Variants in PITPNC1 observed in about 807,000 individuals in gnomAD.
The protein encoded by PITPNC1 is phosphatidylinositol transfer protein cytoplasmic 1.
In PITPNC1, 18 loss-of-function variants were observed where a neutral mutation model predicts 44.7. The observed-to-expected ratio is 0.40, with a 90% CI of 0.28 to 0.60. The LOEUF is 0.60. PITPNC1 is among the 20% of genes least tolerant of loss of function. The pLI is 0.39. For missense variants in PITPNC1, 290 were observed against 418.4 expected (o/e 0.69, Z 2.68); for synonymous variants, 141 against 149.6 (o/e 0.94, Z 0.42).
In PITPNC1 at chr17:67,627,930, GT is replaced by G. The variant is rs113761965; in HGVS notation, c.367-4199del. Among the ~76,000 whole-genome samples, 925 of 137,594 alleles carry G rather than the reference GT, an allele frequency of 6.7e-3. 5 individuals are homozygous for G. Among genetic ancestry groups the G allele is most frequent in the African/African-American group, 0.021 (779 of 37,592 alleles). The allele number at this position is 137,594 out of a possible 152,430, so 90.3% of individuals were successfully genotyped here. A position where few individuals can be genotyped will look rare whatever the true frequency, so the allele number is the denominator to read the frequency against. The stretch of plus-strand genomic sequence containing the variant: ...TTTCTTTTTCTTCTTCTTCTTTTTT[GT>G]TTTTTTTTTTTTTGAGATGGCGTCT... On this transcript the variant is annotated intron_variant, in intron 5 of 8. Coordinates refer to ENST00000581322, the MANE Select transcript of PITPNC1 (RefSeq NM_012417.4).
intron 1 of PITPNC1, among the ~76,000 whole-genome samples, chr17:67,489,075 T>G (rs575671597): frequency 6.6e-6 from 1 of 152,250 alleles, no homozygotes; most frequent in African/African-American, 2.4e-5. Context: ...AAATACCTGT[T>G]TGAGCCTCTG....
Position 67,693,828 on chromosome 17 carries a change from G to T in PITPNC1, c.*940G>T, listed in dbSNP as rs2042968944. 6.6e-6 allele frequency: 1 copy of T among 152,156 alleles called. No homozygotes were observed. The highest frequency in any genetic ancestry group is 2.4e-5 in the African/African-American group (1 of 41,434). The allele number at this position is 152,156 out of a possible 1,614,324, so 9.4% of individuals were successfully genotyped here. On this transcript the variant is annotated 3_prime_UTR_variant, in exon 9 of 9. Transcript: ENST00000581322. Reference sequence around the variant, plus strand: ...AACATGGTCAGAATGTCTGGTGCATGAACTATAAAAAAGAGAACTGTCTCC... The same window carrying T: ...AACATGGTCAGAATGTCTGGTGCATTAACTATAAAAAAGAGAACTGTCTCC...
intron 1 of PITPNC1, among the ~76,000 whole-genome samples, chr17:67,467,090 GC>G (rs2039439237): frequency 1.0e-5 from 1 of 99,492 alleles, no homozygotes; most frequent in African/African-American, 3.9e-5. Context: ...GATGAATCTT[GC>G]TCTGTCACCC....
intron 2 of PITPNC1, among the ~76,000 whole-genome samples, chr17:67,549,430 T>G (rs1380514468): frequency 6.6e-6 from 1 of 152,142 alleles, no homozygotes; most frequent in Non-Finnish European, 1.5e-5. Flanking sequence ...ATGATCGTGG[T>G]TTTTTAGGCC....
intron 5 of PITPNC1, among the ~76,000 whole-genome samples, chr17:67,623,129 A>AT (rs2041854770): frequency 6.6e-6 from 1 of 150,692 alleles, no homozygotes; most frequent in Admixed American, 6.6e-5. Flanking sequence ...AAAAAAAAAA[A>AT]AAAGTTATAG....
intron 5 of PITPNC1, among the ~76,000 whole-genome samples, chr17:67,602,336 G>A (rs1026754510): frequency 1.3e-5 from 2 of 152,118 alleles, no homozygotes; most frequent in African/African-American, 4.8e-5. Context: ...ATACAGGTTG[G>A]GGTTGGAGCA....
intron 1 of PITPNC1, among the ~76,000 whole-genome samples, chr17:67,473,539 G>A (rs1030114041): frequency 2.0e-5 from 3 of 151,924 alleles, no homozygotes; most frequent in Non-Finnish European, 2.9e-5. Context: ...CACCGACCTC[G>A]TGATCTGCAC....
intron 1 of PITPNC1, among the ~76,000 whole-genome samples, chr17:67,481,655 G>A (rs185548731): frequency 4.9e-4 from 74 of 151,438 alleles, no homozygotes; most frequent in Middle Eastern, 3.4e-3. Context: ...TTTATTACCC[G>A]TAAAATAAAA....
intron 4 of PITPNC1, among the ~76,000 whole-genome samples, chr17:67,573,838 G>A (rs1164615343): frequency 6.6e-6 from 1 of 152,088 alleles, no homozygotes; most frequent in Non-Finnish European, 1.5e-5. Flanking sequence ...TGGGATTACA[G>A]GCATGAGCCA....
chr17:67,576,821 T>G (rs556960117), intron 4 of PITPNC1, among the ~76,000 whole-genome samples: 1 of 152,334 alleles, frequency 6.6e-6, no homozygotes, highest in South Asian at 2.1e-4. Flanking sequence ...TACCCATGGA[T>G]GCTGTCTGCT....
chr17:67,484,463 A>G (rs974704183), intron 1 of PITPNC1, among the ~76,000 whole-genome samples: 5 of 152,234 alleles, frequency 3.3e-5, no homozygotes, highest in Admixed American at 3.3e-4. Flanking sequence ...CAGTCGCCAC[A>G]TAAGCTTGTA....
intron 5 of PITPNC1, among the ~76,000 whole-genome samples, chr17:67,594,260 A>C (rs2041431401): frequency 6.6e-6 from 1 of 152,204 alleles, no homozygotes; most frequent in Non-Finnish European, 1.5e-5. Flanking sequence ...GGATGCAGTG[A>C]GATGCTGCAT....
chr17:67,538,642 A>C (rs1196097662), intron 2 of PITPNC1, among the ~76,000 whole-genome samples: 1 of 152,174 alleles, frequency 6.6e-6, no homozygotes, highest in Non-Finnish European at 1.5e-5. Flanking sequence ...AGATTGATTA[A>C]AAACCTAAAT....
chr17:67,409,568 C>T (rs1229775566), intron 1 of PITPNC1, among the ~76,000 whole-genome samples: 1 of 151,044 alleles, frequency 6.6e-6, no homozygotes, highest in Non-Finnish European at 1.5e-5. Context: ...GGCGGAGTTT[C>T]ACTCTTGTTG....
chr17:67,451,789 C>T (rs1191918108), intron 1 of PITPNC1, among the ~76,000 whole-genome samples: 17 of 152,078 alleles, frequency 1.1e-4, no homozygotes, highest in Non-Finnish European at 2.9e-5. Context: ...CAGGTGCCCA[C>T]ATCACGCCTG....
In PITPNC1 at chr17:67,597,656, A is replaced by G. The variant is rs2041477539; in HGVS notation, c.366+19399A>G. ...AAGTCCTTTATTTTACATTTAAAAG[A>G]TAGGATGCTTTTAATGGTGCCTTAA... On this transcript the variant is annotated intron_variant, in intron 5 of 8. Coordinates refer to ENST00000581322, the MANE Select transcript of PITPNC1 (RefSeq NM_012417.4). The surrounding 1 kb of genome is among the most constrained non-coding windows in gnomAD (Gnocchi z 4.0). Among the ~76,000 whole-genome samples the G allele has an allele frequency of 6.6e-6, 1 of 152,226 alleles. No homozygotes were observed. The highest frequency in any genetic ancestry group is 1.5e-5 in the Non-Finnish European group (1 of 68,042).
intron 5 of PITPNC1, among the ~76,000 whole-genome samples, chr17:67,599,468 G>T (rs572333666): frequency 6.6e-6 from 1 of 152,110 alleles, no homozygotes; most frequent in Admixed American, 6.6e-5. Context: ...GAATATTGAC[G>T]TTTAATGGGA....
At chr17:67,595,692 T>C (rs1286005993) in intron 5 of PITPNC1, among the ~76,000 whole-genome samples, 1 of 152,224 alleles carries the variant, frequency 6.6e-6, no homozygotes, top group Non-Finnish European at 1.5e-5. Context: ...CGATTCTCTA[T>C]GAATAATATT....
At chr17:67,656,475 C>T (rs2042269363) in intron 6 of PITPNC1, among the ~76,000 whole-genome samples, 1 of 152,190 alleles carries the variant, frequency 6.6e-6, no homozygotes, top group East Asian at 1.9e-4. Flanking sequence ...AGACCCTTAA[C>T]TTAATTACAT....
Sources: gnomAD v4.1 joint callset for allele counts (sites outside exome capture counted in the v4.1 genomes callset) on GRCh38, gnomAD v4.1.1 for gene constraint, Gnocchi (gnomAD v3.1) non-coding constraint, MANE v1.5 for transcripts, NCBI Gene and HGNC (gene_info 2026-07-23, HGNC 2026-07-21) for gene names.